The following DIAPH3 variants were observed in gnomAD, a reference collection of about 807,000 sequenced individuals.
DIAPH3 encodes protein diaphanous homolog 3.
A neutral mutation model predicts 144.3 loss-of-function variants in DIAPH3; 117 were observed. The ratio of observed to expected loss-of-function variants is 0.81; its 90% confidence interval spans 0.70 to 0.95. The LOEUF (loss-of-function observed/expected upper bound fraction) is 0.95. DIAPH3 is among the 40% of genes least tolerant of loss of function. DIAPH3 has a pLI of 0.00. For synonymous variants in DIAPH3, 519 were observed against 488.9 expected (o/e 1.06, Z -0.81); for missense variants, 1,421 against 1,412.7 (o/e 1.01, Z -0.09).
intron 14 of DIAPH3, among the ~76,000 whole-genome samples, chr13:59,978,543 A>G (rs2050802340): frequency 6.6e-6 from 1 of 151,814 alleles, no homozygotes; most frequent in South Asian, 2.1e-4. Flanking sequence ...TAATGAGTAC[A>G]TTCTAAGAAC....
chr13:60,036,949 A>G (rs1392606728), intron 5 of DIAPH3, among the ~76,000 whole-genome samples: 6 of 27,662 alleles, frequency 2.2e-4, no homozygotes, highest in Non-Finnish European at 3.0e-4. Flanking sequence ...GATACCCATC[A>G]TATTCAAAAA....
At chr13:60,036,879 T>C (rs1227712210) in intron 5 of DIAPH3, among the ~76,000 whole-genome samples, 2 of 151,770 alleles carry the variant, frequency 1.3e-5, no homozygotes, top group South Asian at 2.1e-4. Context: ...GTCTAACATA[T>C]ACAAAATTAG....
At chr13:60,148,814 C>A (rs927162630) in intron 1 of DIAPH3, among the ~76,000 whole-genome samples, 2 of 152,136 alleles carry the variant, frequency 1.3e-5, no homozygotes, top group African/African-American at 4.8e-5. Flanking sequence ...CAAGTTAACT[C>A]CACAGCCTGA....
At chr13:59,697,832 A>G (rs1356797200) in intron 27 of DIAPH3, among the ~76,000 whole-genome samples, 1 of 152,256 alleles carries the variant, frequency 6.6e-6, no homozygotes, top group Non-Finnish European at 1.5e-5. Context: ...AAATCATTCA[A>G]CTAATTATCA....
intron 7 of DIAPH3, among the ~76,000 whole-genome samples, chr13:60,015,018 C>A (rs1262571920): frequency 1.1e-5 from 1 of 87,498 alleles, no homozygotes; most frequent in Non-Finnish European, 2.7e-5. Flanking sequence ...TGTTTAAGGA[C>A]AGGGATTCAC....
At chr13:59,931,261 A>G (rs1326965675) in intron 17 of DIAPH3, among the ~76,000 whole-genome samples, 1 of 151,948 alleles carries the variant, frequency 6.6e-6, no homozygotes, top group South Asian at 2.1e-4. Context: ...CCTGGCTACA[A>G]TTTCTCTTTT....
At chr13:60,069,943 T>C (rs926369351) in intron 4 of DIAPH3, among the ~76,000 whole-genome samples, 5 of 152,208 alleles carry the variant, frequency 3.3e-5, no homozygotes, top group Non-Finnish European at 7.3e-5. Flanking sequence ...TGCTTAGGAT[T>C]GTCTTGGCTA....
chr13:59,789,203 G>A (rs1187988131), intron 25 of DIAPH3, among the ~76,000 whole-genome samples: 1 of 152,100 alleles, frequency 6.6e-6, no homozygotes, highest in Non-Finnish European at 1.5e-5. Flanking sequence ...AACAAAATGT[G>A]ACTATCACAC....
At chr13:59,974,547 G>A (rs377713623) in intron 14 of DIAPH3, 91 bp from the exon 15 acceptor site, 26 of 1,071,576 alleles carry the variant, frequency 2.4e-5, no homozygotes, top group Middle Eastern at 2.7e-4. Flanking sequence ...ATGATCTGCC[G>A]GTAGAACACA....
intron 24 of DIAPH3, among the ~76,000 whole-genome samples, chr13:59,813,009 C>T (rs1409074625): frequency 6.6e-6 from 1 of 152,100 alleles, no homozygotes; most frequent in African/African-American, 2.4e-5. Flanking sequence ...AAAGGCTGGA[C>T]AGTCTTACTA....
intron 2 of DIAPH3, among the ~76,000 whole-genome samples, chr13:60,121,234 G>GTT (rs199826464): frequency 1.2e-4 from 18 of 149,098 alleles, no homozygotes; most frequent in African/African-American, 4.4e-4. Context: ...ATGCTGATAG[G>GTT]TTTTTTTTTT....
At chr13:60,125,823 G>T (rs2058977118) in intron 2 of DIAPH3, among the ~76,000 whole-genome samples, 1 of 151,814 alleles carries the variant, frequency 6.6e-6, no homozygotes, top group African/African-American at 2.4e-5. Context: ...ATAGGAAGCT[G>T]CCAGAGTCCA....
intron 20 of DIAPH3, among the ~76,000 whole-genome samples, chr13:59,890,750 CT>C (rs561259884): frequency 9.2e-5 from 14 of 151,930 alleles, no homozygotes; most frequent in Admixed American, 1.3e-4. Context: ...TGTTAAATTA[CT>C]GTTTCTTTCC....
intron 24 of DIAPH3, among the ~76,000 whole-genome samples, chr13:59,831,335 T>G (rs2041768406): frequency 6.6e-6 from 1 of 151,856 alleles, no homozygotes; most frequent in Non-Finnish European, 1.5e-5. Context: ...TGTGATGGTT[T>G]ATTACAAACA....
intron 5 of DIAPH3, among the ~76,000 whole-genome samples, chr13:60,017,323 C>T (rs1211452369): frequency 1.3e-5 from 2 of 150,652 alleles, no homozygotes; most frequent in African/African-American, 2.4e-5. Context: ...AGAATCACTT[C>T]AACCCAGGAG....
chr13:60,022,759 T>C (rs2054116608), intron 5 of DIAPH3, among the ~76,000 whole-genome samples: 1 of 152,188 alleles, frequency 6.6e-6, no homozygotes, highest in African/African-American at 2.4e-5. Flanking sequence ...TTCTGCAGAG[T>C]GTTAAGAATG....
intron 4 of DIAPH3, among the ~76,000 whole-genome samples, chr13:60,090,729 C>A (rs1486702192): frequency 6.6e-6 from 1 of 152,118 alleles, no homozygotes; most frequent in African/African-American, 2.4e-5. Flanking sequence ...ACTTCCAGAG[C>A]AAAAACAAAT....
chr13:59,806,281 A>G (rs1335156157), intron 25 of DIAPH3, among the ~76,000 whole-genome samples: 1 of 151,990 alleles, frequency 6.6e-6, no homozygotes, highest in Admixed American at 6.6e-5. Flanking sequence ...AATTTCTACG[A>G]AGATTTGAGC....
chr13:59,904,323 T>C (rs1180222072), intron 20 of DIAPH3, among the ~76,000 whole-genome samples: 1 of 152,212 alleles, frequency 6.6e-6, no homozygotes, highest in East Asian at 1.9e-4. Flanking sequence ...ATCTTCATTA[T>C]CTTCATTGTT....
Sources: allele counts gnomAD v4.1 joint callset (sites outside exome capture counted in the v4.1 genomes callset), GRCh38; gene constraint gnomAD v4.1.1; transcripts MANE v1.5; gene names NCBI Gene and HGNC (gene_info 2026-07-23, HGNC 2026-07-21).